Variants in ERG observed in about 807,000 individuals in gnomAD.
ERG encodes transcriptional regulator ERG.
ERG carries 9 observed loss-of-function variants against 55.3 expected under a neutral mutation model. The ratio of observed to expected loss-of-function variants is 0.16; its 90% CI spans 0.10 to 0.28. The LOEUF (loss-of-function observed/expected upper bound fraction) is 0.28, where lower values mean the gene tolerates loss of function less well. ERG is among the 10% of genes least tolerant of loss of function. The pLI is 1.00. For missense variants in ERG, 434 were observed against 631.6 expected, an observed-to-expected ratio of 0.69 and a Z score of 3.35; for synonymous variants, 223 against 237.3, an observed-to-expected ratio of 0.94 and a Z score of 0.55.
intron 1 of ERG, among the ~76,000 whole-genome samples, chr21:38,621,552 C>T (rs2836575): frequency 0.062 from 9,466 of 152,112 alleles, 527 homozygotes; most frequent in African/African-American, 0.15. Context: ...CAGCTGAGTC[C>T]GACAGAGCTC....
At chr21:38,402,712 CAAAAAAAA>C (rs759434219) in intron 4 of ERG, 75 bp from the exon 5 acceptor site, 129 of 165,194 alleles carry the variant, frequency 7.8e-4, no homozygotes, top group South Asian at 2.7e-3. Flanking sequence ...ACCTTTCTTA[CAAAAAAAA>C]AAAAAAAAAA....
the ERG span, among the ~76,000 whole-genome samples, chr21:38,374,015 A>G: frequency 6.6e-6 from 1 of 152,248 alleles, no homozygotes; most frequent in Non-Finnish European, 1.5e-5. Flanking sequence ...CAATATTTAC[A>G]TATTTTTCAG....
intron 2 of ERG, among the ~76,000 whole-genome samples, chr21:38,444,108 C>T (rs2058866925): frequency 6.6e-6 from 1 of 152,208 alleles, no homozygotes; most frequent in African/African-American, 2.4e-5. Context: ...TAACACCACA[C>T]TAGGAATTGA....
Position 38,577,323 on chromosome 21 carries a change from A to G in ERG, c.-126-1576T>C, listed in dbSNP as rs150314498. ...ATCTGCATGCTCCACATCTGTCTTC[A>G]GTCTCCCTGGAGGCCTCCCAAGATT... On this transcript the variant is annotated intron_variant, in intron 1 of 8. Coordinates refer to the ERG transcript ENST00000398897. Among the ~76,000 whole-genome samples, 374 of 152,282 alleles carry G rather than the reference A, an allele frequency of 2.5e-3. 5 individuals are homozygous for G. The highest frequency in any genetic ancestry group is 8.6e-3 in the African/African-American group (356 of 41,542).
chr21:38,432,997 G>A (rs1391659879), intron 2 of ERG, among the ~76,000 whole-genome samples: 1 of 152,224 alleles, frequency 6.6e-6, no homozygotes, highest in Non-Finnish European at 1.5e-5. Context: ...GACGTGAGCT[G>A]AGCAGGGCAG....
Position 38,380,861 on chromosome 21 carries a change from TGA to T in ERG, c.*2540_*2541del, listed in dbSNP as rs1224330985. 1.6e-5 allele frequency: 17 copies of T among 1,065,064 alleles called. No individual in the cohort carries two copies. Among genetic ancestry groups the T allele is most frequent in the Non-Finnish European group, 1.9e-5 (17 of 879,200 alleles). The allele number at this position is 1,065,064 out of a possible 1,614,324, so 66.0% of individuals were successfully genotyped here. ...CATGAGACAGTCTTGAAGAGAGAAC[TGA>T]GTGATTATCCAAGTAAATGTGTATT... On this transcript the variant is annotated 3_prime_UTR_variant, in exon 10 of 10. Transcript: ENST00000288319.
chr21:38,524,246 C>T (rs2059614802), intron 2 of ERG, among the ~76,000 whole-genome samples: 1 of 152,190 alleles, frequency 6.6e-6, no homozygotes, highest in South Asian at 2.1e-4. Context: ...AAAAATCAAA[C>T]TTAAATTGCT....
chr21:38,586,940 A>G (rs1047350748), upstream of ERG, among the ~76,000 whole-genome samples: 3 of 152,238 alleles, frequency 2.0e-5, no homozygotes, highest in Non-Finnish European at 2.9e-5. Context: ...CACATACACA[A>G]TGGAACACTA....
intron 2 of ERG, among the ~76,000 whole-genome samples, chr21:38,549,198 G>A: frequency 6.6e-6 from 1 of 152,088 alleles, no homozygotes; most frequent in Non-Finnish European, 1.5e-5. Context: ...TCCGGGATTG[G>A]GGCACAGGTA....
intron 1 of ERG, among the ~76,000 whole-genome samples, chr21:38,607,496 G>T (rs2060203233): frequency 6.6e-6 from 1 of 152,088 alleles, no homozygotes; most frequent in African/African-American, 2.4e-5. Context: ...GCCGGGCATG[G>T]TGGCGGGCAC....
At chr21:38,456,895 C>T (rs2058995031) in intron 1 of ERG, among the ~76,000 whole-genome samples, 1 of 152,198 alleles carries the variant, frequency 6.6e-6, no homozygotes, top group African/African-American at 2.4e-5. Flanking sequence ...ATACGCTGAG[C>T]TCATGCTTTT....
At chr21:38,455,124 T>TC (rs35935593) in intron 1 of ERG, among the ~76,000 whole-genome samples, 3 of 132,364 alleles carry the variant, frequency 2.3e-5, no homozygotes, top group South Asian at 2.8e-4. Flanking sequence ...CTTTCTTTTT[T>TC]TTTTTTTTTA....
chr21:38,642,077 G>C (rs1192415587), intron 1 of ERG, among the ~76,000 whole-genome samples: 3 of 152,334 alleles, frequency 2.0e-5, no homozygotes, highest in African/African-American at 7.2e-5. Flanking sequence ...ACATACGATG[G>C]AATACTAGAC....
chr21:38,560,677 C>T (rs1451018636), intron 2 of ERG, among the ~76,000 whole-genome samples: 4 of 152,130 alleles, frequency 2.6e-5, no homozygotes, highest in African/African-American at 4.8e-5. Context: ...AAACCAATAC[C>T]AGCAAAAAGT....
upstream of ERG, among the ~76,000 whole-genome samples, chr21:38,500,606 C>A (rs187634174): frequency 6.6e-6 from 1 of 152,324 alleles, no homozygotes; most frequent in East Asian, 1.9e-4. Flanking sequence ...CATGCTCTCT[C>A]TCTCTCAATC....
intron 6 of ERG, among the ~76,000 whole-genome samples, chr21:38,398,479 C>T (rs757631373): frequency 1.3e-5 from 2 of 152,236 alleles, no homozygotes; most frequent in African/African-American, 4.8e-5. Context: ...AACTGAGTCG[C>T]GAAAACATAC....
downstream of ERG, among the ~76,000 whole-genome samples, chr21:38,377,059 C>T (rs970510221): frequency 6.6e-6 from 1 of 152,218 alleles, no homozygotes; most frequent in Non-Finnish European, 1.5e-5. Flanking sequence ...AATTTCAAGT[C>T]CTGAAAGCTG....
At chr21:38,638,086 G>A (rs1251683663) in intron 1 of ERG, among the ~76,000 whole-genome samples, 1 of 152,224 alleles carries the variant, frequency 6.6e-6, no homozygotes, top group African/African-American at 2.4e-5. Context: ...ATGCTGAGGG[G>A]AAGATCTGGT....
intron 2 of ERG, among the ~76,000 whole-genome samples, chr21:38,555,390 C>T (rs181861475): frequency 6.6e-6 from 1 of 150,898 alleles, no homozygotes; most frequent in Admixed American, 6.6e-5. Context: ...GTTTTTTTCT[C>T]AGTAAAAAAA....
Sources: allele counts gnomAD v4.1 joint callset (sites outside exome capture counted in the v4.1 genomes callset), GRCh38; gene constraint gnomAD v4.1.1; transcripts MANE v1.5; gene names NCBI Gene and HGNC (gene_info 2026-07-23, HGNC 2026-07-21).